PCBP2: variants seen among roughly 807,000 people sequenced by gnomAD.
The protein encoded by PCBP2 is poly(rC)-binding protein 2.
In PCBP2, 4 loss-of-function variants were observed where a neutral mutation model predicts 50.1. The ratio of observed to expected loss-of-function variants is 0.08; its 90% confidence interval spans 0.04 to 0.18. PCBP2 has a LOEUF of 0.18. Among genes scored for constraint, PCBP2 ranks in the 10% least tolerant of loss-of-function variants. The probability of loss-of-function intolerance (pLI) is 1.00; values close to 1 mark genes in which losing one functional copy is unlikely to be tolerated. For missense variants in PCBP2, 161 were observed against 474.3 expected (o/e 0.34, Z 6.14); for synonymous variants, 179 against 168.0 (o/e 1.07, Z -0.51).
chr12:53,454,092 T>G (rs1034650446), intron 1 of PCBP2, among the ~76,000 whole-genome samples: 1 of 152,190 alleles, frequency 6.6e-6, no homozygotes, highest in African/African-American at 2.4e-5. Context: ...ACTTAATGTA[T>G]CGAGTCATTT....
chr12:53,476,068 G>A (rs1942561044), intron 14 of PCBP2: 1 of 152,212 alleles, frequency 6.6e-6, no homozygotes, highest in Non-Finnish European at 1.5e-5. Context: ...GCATTCCTCT[G>A]AATTAGCATT....
At position 53,455,358 on chromosome 12, in the gene PCBP2, T is replaced by G; in HGVS notation, c.81T>G (p.Ser27Arg). ...TTTCTCCATTGCAGGAAGTTGGCAG[T>G]ATCATCGGAAAGGTAAGACAATTTC... ...RLLMHGKEVGSIIGKKGESVK... is the reference protein window; with the variant it reads ...RLLMHGKEVGRIIGKKGESVK... The change falls in exon 3 of 15, where the codon AGT (serine) becomes AGG (arginine). Residue 27 changes from serine to arginine, a missense_variant. By Grantham distance (110) the Ser-to-Arg change is moderately radical (BLOSUM62 -1). Transcript: ENST00000546463. 6.2e-7 allele frequency: 1 copy of G among 1,614,002 alleles called. No individual in the cohort carries two copies. Among genetic ancestry groups the G allele is most frequent in the Non-Finnish European group, 8.5e-7 (1 of 1,179,880 alleles).
intron 12 of PCBP2, chr12:53,468,573 G>T: frequency 1.7e-6 from 1 of 571,946 alleles, no homozygotes; most frequent in Admixed American, 3.2e-5. Context: ...CAGCTCTTCT[G>T]AGTGTACAGA....
intron 1 of PCBP2, 135 bp from the exon 2 acceptor site, chr12:53,454,591 G>C: frequency 1.8e-6 from 1 of 567,926 alleles, no homozygotes; most frequent in Non-Finnish European, 3.2e-6. Context: ...AGTTGTGCTT[G>C]GTGTGTATAT....
Position 53,467,208 on chromosome 12 carries a change from T to A in PCBP2, c.715-13T>A, listed in dbSNP as rs1044375989. ...AAATCTTCTAATGCCAACCTCCTGT[T>A]TCCTCCTTGCAGTTGACCAAGCTGC... On this transcript the variant is annotated splice_polypyrimidine_tract_variant and intron_variant, in intron 10 of 14. Coordinates refer to ENST00000546463, the MANE Select transcript of PCBP2 (RefSeq NM_031989.5). The A allele has an allele frequency of 2.5e-6, 4 of 1,609,362 alleles. No homozygotes were observed. In the African/African-American group the frequency reaches 5.3e-5, roughly 22 times the overall value.
intron 9 of PCBP2, chr12:53,465,165 G>C (rs762988564): frequency 4.3e-4 from 106 of 249,142 alleles, no homozygotes; most frequent in Non-Finnish European, 6.7e-4. Context: ...TGGCCACTGT[G>C]ATGTGAGAAA....
intron 1 of PCBP2, chr12:53,454,305 C>T (rs1940825749): frequency 6.5e-6 from 1 of 154,412 alleles, no homozygotes; most frequent in African/African-American, 2.4e-5. Flanking sequence ...CTCTAGTTTT[C>T]AACTTAAACT....
intron 8 of PCBP2, among the ~76,000 whole-genome samples, chr12:53,463,855 T>C (rs1941621337): frequency 6.6e-6 from 1 of 152,222 alleles, no homozygotes; most frequent in African/African-American, 2.4e-5. Flanking sequence ...GGGAGCCATT[T>C]AGAGGGCAAG....
chr12:53,453,778 A>G (rs1388847249), intron 1 of PCBP2, among the ~76,000 whole-genome samples: 1 of 152,232 alleles, frequency 6.6e-6, no homozygotes, highest in African/African-American at 2.4e-5. Context: ...ATCCAAAAAA[A>G]CAAATTTTCT....
intron 6 of PCBP2, 88 bp from the exon 7 acceptor site, chr12:53,460,927 A>C: frequency 5.7e-6 from 8 of 1,393,360 alleles, no homozygotes; most frequent in African/African-American, 1.4e-5. Context: ...AATATCTACT[A>C]GAGTTTTAGG....
At chr12:53,475,332 T>TGGGGGATAACTGGGTACTTTG (rs1555208737) in intron 14 of PCBP2, 1 of 366,662 alleles carries the variant, frequency 2.7e-6, no homozygotes, top group Non-Finnish European at 5.4e-6. Context: ...TTTACTACTT[T>TGGGGGATAACTGGGTACTTTG]GGGGGATAAC....
At chr12:53,456,823 C>T (rs898599808) in intron 5 of PCBP2, among the ~76,000 whole-genome samples, 4 of 152,146 alleles carry the variant, frequency 2.6e-5, no homozygotes, top group African/African-American at 9.7e-5. Flanking sequence ...CCCTCTCTCC[C>T]TTCTGCATTA....
chr12:53,472,086 C>T (rs1942283403), intron 14 of PCBP2, among the ~76,000 whole-genome samples: 1 of 152,004 alleles, frequency 6.6e-6, no homozygotes, highest in Non-Finnish European at 1.5e-5. Context: ...AGTAAGAGTC[C>T]TCTGGCTAGA....
chr12:53,471,156 AT>A (rs531374386), intron 13 of PCBP2, among the ~76,000 whole-genome samples: 4 of 152,172 alleles, frequency 2.6e-5, no homozygotes, highest in South Asian at 2.1e-4. Context: ...GAAATTGGGC[AT>A]GGCGGTATAC....
intron 9 of PCBP2, among the ~76,000 whole-genome samples, chr12:53,465,729 G>A (rs1411703818): frequency 2.0e-5 from 3 of 152,088 alleles, no homozygotes; most frequent in South Asian, 4.1e-4. Flanking sequence ...AGGATTCCCC[G>A]GAACAAAGTC....
chr12:53,472,299 T>C (rs1428670522), intron 14 of PCBP2, among the ~76,000 whole-genome samples: 2 of 152,232 alleles, frequency 1.3e-5, no homozygotes, highest in East Asian at 3.8e-4. Flanking sequence ...CATGTGTGTT[T>C]TATTCAGAGC....
chr12:53,466,679 T>C (rs1347532746), intron 10 of PCBP2, among the ~76,000 whole-genome samples: 1 of 152,150 alleles, frequency 6.6e-6, no homozygotes, highest in Non-Finnish European at 1.5e-5. Flanking sequence ...TTTATGACAG[T>C]CAGGACAGTT....
At chr12:53,473,921 C>T (rs1468093021) in intron 14 of PCBP2, among the ~76,000 whole-genome samples, 1 of 151,918 alleles carries the variant, frequency 6.6e-6, no homozygotes, top group African/African-American at 2.4e-5. Context: ...TGCAGCTGTC[C>T]TTGGACATAG....
At chr12:53,476,414 A>G (rs543962617) in intron 14 of PCBP2, among the ~76,000 whole-genome samples, 3 of 152,342 alleles carry the variant, frequency 2.0e-5, no homozygotes, top group East Asian at 1.9e-4. Flanking sequence ...CTTTTACTCA[A>G]TCGTACTAAC....
Sources: gnomAD v4.1 joint callset for allele counts (sites outside exome capture counted in the v4.1 genomes callset) on GRCh38, gnomAD v4.1.1 for gene constraint, MANE v1.5 for transcripts, NCBI Gene and HGNC (gene_info 2026-07-23, HGNC 2026-07-21) for gene names.